The following SDHAF3 variants were observed in gnomAD, a reference collection of about 807,000 sequenced individuals.
SDHAF3 encodes the protein succinate dehydrogenase complex assembly factor 3.
Under a neutral mutation model 11.5 loss-of-function variants are expected in SDHAF3, and 18 were observed. The observed-to-expected ratio is 1.56, with a 90% CI of 1.08 to 2.32. SDHAF3 has a LOEUF of 2.32. SDHAF3 is among the 30% of genes most tolerant of loss of function. The pLI is 0.00. For synonymous variants in SDHAF3, 72 were observed against 59.3 expected (o/e 1.21, Z -0.99); for missense variants, 200 against 154.4 (o/e 1.30, Z -1.57).
intron 1 of SDHAF3, among the ~76,000 whole-genome samples, chr7:97,131,775 G>A (rs770357523): frequency 6.6e-6 from 1 of 152,098 alleles, no homozygotes; most frequent in Non-Finnish European, 1.5e-5. Context: ...AAAGAAATGG[G>A]CAAAAGAGAC....
At position 97,181,123 on chromosome 7, in the gene SDHAF3, G is replaced by T. The variant is rs1436996498; in HGVS notation, c.286G>T (p.Glu96Ter). 6.2e-7 allele frequency: 1 copy of T among 1,613,906 alleles called. No homozygotes were observed. Among genetic ancestry groups the T allele is most frequent in the Non-Finnish European group, 8.5e-7 (1 of 1,179,908 alleles). The change falls in exon 2 of 2, where the codon GAA becomes TAA. Residue 96 changes from glutamate to a stop codon, truncating the protein, a stop_gained. Transcript: ENST00000432641. LOFTEE classifies it high-confidence loss of function. ...PEEKLNDFRD[E>*]QIGQLQELMQ... ...AGAAAAACTTAATGACTTTCGTGAT[G>T]AACAAATTGGACAGTTGCAGGAGCT...
intron 1 of SDHAF3, among the ~76,000 whole-genome samples, chr7:97,171,427 GA>G (rs1789600390): frequency 6.6e-6 from 1 of 152,050 alleles, no homozygotes; most frequent in East Asian, 1.9e-4. Flanking sequence ...ATTTTAAAGG[GA>G]ATTTATAATT....
intron 1 of SDHAF3, among the ~76,000 whole-genome samples, chr7:97,155,392 G>T (rs1049798321): frequency 2.6e-5 from 4 of 152,028 alleles, no homozygotes; most frequent in African/African-American, 9.7e-5. Context: ...ACTGGTCCTT[G>T]TTTCTTGAAC....
chr7:97,171,509 CT>C (rs1475162890), intron 1 of SDHAF3, among the ~76,000 whole-genome samples: 2 of 151,968 alleles, frequency 1.3e-5, no homozygotes, highest in East Asian at 1.9e-4. Context: ...AACCTAAAAT[CT>C]TTTTTTATGC....
chr7:97,160,282 C>A (rs1398223328), intron 1 of SDHAF3, among the ~76,000 whole-genome samples: 4 of 143,854 alleles, frequency 2.8e-5, no homozygotes, highest in African/African-American at 1.0e-4. Context: ...GTGAGGAGCG[C>A]CTCTGCCCGG....
intron 1 of SDHAF3, among the ~76,000 whole-genome samples, chr7:97,146,484 A>G (rs1789136971): frequency 6.6e-6 from 1 of 152,224 alleles, no homozygotes; most frequent in Non-Finnish European, 1.5e-5. Context: ...TAAATGTTAC[A>G]AAAAGAACAT....
intron 1 of SDHAF3, among the ~76,000 whole-genome samples, chr7:97,165,112 A>AAG (rs1789481262): frequency 6.6e-6 from 1 of 151,966 alleles, no homozygotes; most frequent in Non-Finnish European, 1.5e-5. Context: ...GTGAAACCCC[A>AAG]TCTCTACTAA....
At chr7:97,176,209 C>A (rs1352034111) in intron 1 of SDHAF3, among the ~76,000 whole-genome samples, 1 of 152,148 alleles carries the variant, frequency 6.6e-6, no homozygotes, top group Non-Finnish European at 1.5e-5. Context: ...CCATTCAGCC[C>A]ACTGCACCTG....
intron 1 of SDHAF3, among the ~76,000 whole-genome samples, chr7:97,141,869 A>G (rs535689900): frequency 1.3e-5 from 2 of 152,114 alleles, no homozygotes; most frequent in East Asian, 3.9e-4. Context: ...AACAAAAACA[A>G]TGTTCTACTT....
At chr7:97,133,135 G>A (rs1028255896) in intron 1 of SDHAF3, among the ~76,000 whole-genome samples, 33 of 152,070 alleles carry the variant, frequency 2.2e-4, no homozygotes, top group African/African-American at 7.2e-4. Context: ...GTAATATTTA[G>A]TGAATTTTAA....
At chr7:97,146,510 G>A (rs772177601) in intron 1 of SDHAF3, among the ~76,000 whole-genome samples, 6 of 152,108 alleles carry the variant, frequency 3.9e-5, no homozygotes, top group Admixed American at 3.9e-4. Flanking sequence ...AATTGTTCTT[G>A]AGACATATTT....
chr7:97,124,140 T>G (rs1791540046), intron 1 of SDHAF3, among the ~76,000 whole-genome samples: 1 of 152,198 alleles, frequency 6.6e-6, no homozygotes, highest in Non-Finnish European at 1.5e-5. Context: ...GGTTTTACGA[T>G]TAAGTCTTTA....
At chr7:97,153,668 G>A (rs1475049815) in intron 1 of SDHAF3, among the ~76,000 whole-genome samples, 2 of 152,094 alleles carry the variant, frequency 1.3e-5, no homozygotes, top group African/African-American at 2.4e-5. Flanking sequence ...TTCCACCAGC[G>A]GTGAATGAGA....
At chr7:97,131,324 C>T (rs1013633030) in intron 1 of SDHAF3, among the ~76,000 whole-genome samples, 13 of 152,112 alleles carry the variant, frequency 8.5e-5, no homozygotes, top group African/African-American at 1.2e-4. Flanking sequence ...AGCACAATAT[C>T]TTGTAAATCA....
At chr7:97,170,253 G>A (rs1562831290) in intron 1 of SDHAF3, among the ~76,000 whole-genome samples, 2 of 151,914 alleles carry the variant, frequency 1.3e-5, no homozygotes, top group Admixed American at 1.3e-4. Context: ...ACTCCAGAAA[G>A]TTTCCTTGTG....
intron 1 of SDHAF3, among the ~76,000 whole-genome samples, chr7:97,158,618 C>T (rs900636121): frequency 3.3e-5 from 5 of 152,116 alleles, no homozygotes; most frequent in African/African-American, 7.2e-5. Flanking sequence ...GCCACTGCAC[C>T]CAGCGAGTTT....
chr7:97,151,608 C>G (rs1387960166), intron 1 of SDHAF3, among the ~76,000 whole-genome samples: 5 of 151,548 alleles, frequency 3.3e-5, no homozygotes, highest in Non-Finnish European at 7.4e-5. Context: ...CTGCCATTCT[C>G]CTGCCTCAGC....
At chr7:97,119,064 A>G (rs1679511598) in intron 1 of SDHAF3, among the ~76,000 whole-genome samples, 1 of 152,236 alleles carries the variant, frequency 6.6e-6, no homozygotes, top group African/African-American at 2.4e-5. Flanking sequence ...TAAGTGTCAG[A>G]TCACATAATT....
At chr7:97,131,201 T>A (rs974429593) in intron 1 of SDHAF3, among the ~76,000 whole-genome samples, 3 of 152,266 alleles carry the variant, frequency 2.0e-5, no homozygotes, top group Admixed American at 2.0e-4. Context: ...GATTTTTTCC[T>A]TTGAATCTTG....
Sources: allele counts gnomAD v4.1 joint callset (sites outside exome capture counted in the v4.1 genomes callset), GRCh38; gene constraint gnomAD v4.1.1; transcripts MANE v1.5; gene names NCBI Gene and HGNC (gene_info 2026-07-23, HGNC 2026-07-21).